The following FREM1 variants were observed in gnomAD, a reference collection of about 807,000 sequenced individuals.
The protein encoded by FREM1 is FRAS1-related extracellular matrix protein 1.
In FREM1, 220 loss-of-function variants were observed where a neutral mutation model predicts 210.1. That is an observed-to-expected ratio of 1.05 (90% CI 0.94 to 1.17). FREM1 has a LOEUF of 1.17. Among genes scored for constraint, FREM1 ranks in the 50% most tolerant of loss-of-function variants. The probability of loss-of-function intolerance (pLI) is 0.00; values close to 1 mark genes in which losing one functional copy is unlikely to be tolerated. For synonymous variants in FREM1, 1,189 were observed against 980.2 expected (o/e 1.21, Z -3.98); for missense variants, 3,454 against 2,675.5 (o/e 1.29, Z -6.42).
At chr9:14,875,035 C>A (rs1394693415) in intron 1 of FREM1, among the ~76,000 whole-genome samples, 1 of 152,160 alleles carries the variant, frequency 6.6e-6, no homozygotes, top group Non-Finnish European at 1.5e-5. Context: ...GCCGAGAGAT[C>A]CGCTGTTAGT....
intron 1 of FREM1, among the ~76,000 whole-genome samples, chr9:14,884,928 T>C (rs1256436944): frequency 1.5e-5 from 2 of 134,458 alleles, no homozygotes; most frequent in African/African-American, 2.8e-5. Flanking sequence ...TTTTTTTTTT[T>C]TTTTTTTTTT....
chr9:14,873,583 G>T (rs569489889), intron 1 of FREM1, among the ~76,000 whole-genome samples: 3 of 152,130 alleles, frequency 2.0e-5, no homozygotes, highest in African/African-American at 4.8e-5. Context: ...CTTGCTAGGG[G>T]TCTATCAATT....
intron 19 of FREM1, among the ~76,000 whole-genome samples, chr9:14,803,859 G>T (rs13294097): frequency 0.062 from 9,456 of 152,184 alleles, 401 homozygotes; most frequent in Non-Finnish European, 0.095. Context: ...AACTTACAAT[G>T]GTATACTTAT....
At chr9:14,809,213 C>G (rs1818941486) in intron 16 of FREM1, among the ~76,000 whole-genome samples, 1 of 152,202 alleles carries the variant, frequency 6.6e-6, no homozygotes, top group Admixed American at 6.5e-5. Context: ...ACTTGCTCCT[C>G]CTTGCCTTCT....
rs762884235 is a variant in FREM1, at chr9:14,823,224, C to T, written c.2273G>A (p.Gly758Asp). 5.0e-6 allele frequency: 8 copies of T among 1,613,810 alleles called. No individual in the cohort carries two copies. Among genetic ancestry groups the T allele is most frequent in the Non-Finnish European group, 6.8e-6 (8 of 1,179,830 alleles). Residue 758 changes from glycine to aspartate, a missense_variant, in exon 13 of 37, where the codon GGC becomes GAC. Coordinates refer to ENST00000380880, the MANE Select transcript of FREM1 (RefSeq NM_001379081.2). ...QFTFSVSNQH[G>D]GTLHGICFNI... ...AAAGCAGATCCCATGCAAAGTACCG[C>T]CATGTTGGTTACTGACAGAAAATGT...
intron 31 of FREM1, among the ~76,000 whole-genome samples, chr9:14,748,016 C>T (rs1181165670): frequency 2.6e-5 from 4 of 152,244 alleles, no homozygotes; most frequent in Admixed American, 6.5e-5. Flanking sequence ...CACACACACG[C>T]GTGTGCACAT....
At chr9:14,746,902 G>A (rs761290172) in intron 34 of FREM1, 21 bp downstream of exon 34, 7 of 1,609,914 alleles carry the variant, frequency 4.3e-6, no homozygotes, top group Middle Eastern at 1.9e-4. Flanking sequence ...AAGGTGCTTG[G>A]CTGCTCAGCC....
At chr9:14,743,854 C>A (rs1419991618) in intron 35 of FREM1, among the ~76,000 whole-genome samples, 1 of 152,026 alleles carries the variant, frequency 6.6e-6, no homozygotes, top group Non-Finnish European at 1.5e-5. Context: ...AGCTTTTGAT[C>A]AACATCAAAG....
intron 24 of FREM1, among the ~76,000 whole-genome samples, chr9:14,778,440 T>C (rs1229052207): frequency 6.9e-6 from 1 of 144,442 alleles, no homozygotes; most frequent in Non-Finnish European, 1.5e-5. Context: ...GCAAAACCCT[T>C]TCTCTACAAA....
intron 1 of FREM1, among the ~76,000 whole-genome samples, chr9:14,873,555 T>C (rs1010275213): frequency 1.2e-4 from 13 of 106,562 alleles, no homozygotes; most frequent in African/African-American, 6.5e-4. Flanking sequence ...TTGATTCTTC[T>C]CTCTTTTCTT....
At chr9:14,882,358 T>C (rs1382869977) in intron 1 of FREM1, among the ~76,000 whole-genome samples, 1 of 152,144 alleles carries the variant, frequency 6.6e-6, no homozygotes, top group African/African-American at 2.4e-5. Context: ...AGAGGAGATA[T>C]CTATTCTTAT....
intron 1 of FREM1, among the ~76,000 whole-genome samples, chr9:14,871,463 G>A (rs1170865667): frequency 6.6e-6 from 1 of 152,136 alleles, no homozygotes; most frequent in Non-Finnish European, 1.5e-5. Context: ...CTTTTGAGAA[G>A]TGTCTGTTCA....
intron 1 of FREM1, among the ~76,000 whole-genome samples, chr9:14,893,810 A>AAAGCTG (rs149349432): frequency 0.084 from 12,845 of 152,180 alleles, 1,136 homozygotes; most frequent in African/African-American, 0.22. Flanking sequence ...TAGATAGGAT[A>AAAGCTG]AAGCTTTAAG....
At chr9:14,744,746 TTTAG>T (rs1183229804) in intron 35 of FREM1, among the ~76,000 whole-genome samples, 1 of 152,176 alleles carries the variant, frequency 6.6e-6, no homozygotes, top group African/African-American at 2.4e-5. Context: ...TTTTATTTCT[TTTAG>T]TTAAATACCT....
At chr9:14,909,405 T>C (rs998329290) in intron 1 of FREM1, among the ~76,000 whole-genome samples, 6 of 152,194 alleles carry the variant, frequency 3.9e-5, no homozygotes, top group Admixed American at 3.3e-4. Context: ...TCCCCAGCAC[T>C]ATCTCTCTTC....
chr9:14,792,706 CGTT>C (rs1554665741), intron 22 of FREM1, 34 bp downstream of exon 22: 1 of 1,512,826 alleles, frequency 6.6e-7, no homozygotes, highest in Non-Finnish European at 8.9e-7. Flanking sequence ...ATACCTGCTA[CGTT>C]AGTTTTGAAA....
rs145759055 is a variant in FREM1 at position 14,749,993 on chromosome 9, A to G, written c.5557+134T>C. Reference sequence around the variant, plus strand: ...GAAACCAGAATAAAGGGCCTACATCACGACTGAGGGTGCTTTCTTGACAAG... The same window carrying G: ...GAAACCAGAATAAAGGGCCTACATCGCGACTGAGGGTGCTTTCTTGACAAG... On this transcript the variant is annotated intron_variant, in intron 30 of 36. Transcript: ENST00000380880. 3.2e-3 allele frequency: 2,861 copies of G among 894,744 alleles called. 57 individuals carry two copies. The African/African-American group carries it at 0.042, about 13-fold the overall frequency. The allele number at this position is 894,744 out of a possible 1,614,324, so 55.4% of individuals were successfully genotyped here.
chr9:14,742,373 T>C (rs1381013022), intron 35 of FREM1, among the ~76,000 whole-genome samples: 1 of 152,118 alleles, frequency 6.6e-6, no homozygotes, highest in Non-Finnish European at 1.5e-5. Context: ...TATAATAATA[T>C]AATTACCAAA....
chr9:14,737,656 T>C (rs1286836032), intron 36 of FREM1, 61 bp from the exon 37 acceptor site: 33 of 1,310,646 alleles, frequency 2.5e-5, no homozygotes, highest in Admixed American at 3.1e-5. Context: ...AGATATCATA[T>C]CCAGCTGTTG....
Sources: allele counts gnomAD v4.1 joint callset (sites outside exome capture counted in the v4.1 genomes callset), GRCh38; gene constraint gnomAD v4.1.1; transcripts MANE v1.5; gene names NCBI Gene and HGNC (gene_info 2026-07-23, HGNC 2026-07-21).